FAM13A: variants seen among roughly 807,000 people sequenced by gnomAD.
FAM13A encodes protein FAM13A.
FAM13A carries 76 observed loss-of-function variants against 129.6 expected under a neutral mutation model. The ratio of observed to expected loss-of-function variants is 0.59; its 90% CI spans 0.49 to 0.71. FAM13A has a LOEUF of 0.71. FAM13A is among the 30% of genes least tolerant of loss of function. The probability of loss-of-function intolerance (pLI) is 0.00; values close to 1 mark genes in which losing one functional copy is unlikely to be tolerated. For missense variants in FAM13A, 1,108 were observed against 1,249.3 expected (o/e 0.89, Z 1.70); for synonymous variants, 443 against 449.9 (o/e 0.98, Z 0.20).
intron 7 of FAM13A, among the ~76,000 whole-genome samples, chr4:88,849,261 T>C (rs1737160744): frequency 6.6e-6 from 1 of 152,218 alleles, no homozygotes; most frequent in South Asian, 2.1e-4. Flanking sequence ...GATTAACACC[T>C]GTTGAAGGAA....
At chr4:88,928,925 ATGT>A (rs997035927) in intron 5 of FAM13A, among the ~76,000 whole-genome samples, 9 of 151,844 alleles carry the variant, frequency 5.9e-5, no homozygotes, top group Non-Finnish European at 1.2e-4. Flanking sequence ...TGAAATTATC[ATGT>A]TGTCATTTTA....
chr4:88,768,817 A>T (rs1746200140), intron 11 of FAM13A, among the ~76,000 whole-genome samples: 1 of 152,200 alleles, frequency 6.6e-6, no homozygotes, highest in Non-Finnish European at 1.5e-5. Context: ...GTTAATGCTT[A>T]CCAGGAGGCA....
chr4:88,978,683 G>A (rs972132905), intron 4 of FAM13A, among the ~76,000 whole-genome samples: 40 of 151,982 alleles, frequency 2.6e-4, no homozygotes, highest in Non-Finnish European at 1.0e-4. Flanking sequence ...AGTCCCAGCT[G>A]CTGGGGAGGC....
At position 88,863,083 on chromosome 4, in the gene FAM13A, G is replaced by A. The variant is rs142223469; in HGVS notation, c.844-11900C>T. Among the ~76,000 whole-genome samples, 204 of 152,028 alleles carry A rather than the reference G, an allele frequency of 1.3e-3. 1 individual carries two copies. Among genetic ancestry groups the A allele is most frequent in the African/African-American group, 4.7e-3 (195 of 41,442 alleles). On this transcript the variant is annotated intron_variant, in intron 6 of 23. Coordinates refer to ENST00000264344, the MANE Select transcript of FAM13A (RefSeq NM_014883.4). ...ACCCTTGGACTGTCCAGTGATGAGT[G>A]CCTTTTTGCATATTAATGAGATGAT...
chr4:89,003,077 G>C (rs188910012), intron 3 of FAM13A, among the ~76,000 whole-genome samples: 319 of 152,054 alleles, frequency 2.1e-3, no homozygotes, highest in Non-Finnish European at 2.8e-3. Flanking sequence ...CCCATGGAAT[G>C]TTTAACATAA....
chr4:88,984,337 T>C (rs1447389287), intron 4 of FAM13A, among the ~76,000 whole-genome samples: 1 of 152,052 alleles, frequency 6.6e-6, no homozygotes, highest in African/African-American at 2.4e-5. Context: ...AAGGACATGA[T>C]CAAGAAAATG....
intron 13 of FAM13A, among the ~76,000 whole-genome samples, chr4:88,764,593 G>A (rs1344154930): frequency 6.6e-6 from 1 of 152,098 alleles, no homozygotes; most frequent in Non-Finnish European, 1.5e-5. Context: ...TAGTTTTAAG[G>A]ATGACCTCTC....
intron 5 of FAM13A, among the ~76,000 whole-genome samples, chr4:88,912,460 T>C (rs907206402): frequency 5.9e-5 from 9 of 152,016 alleles, no homozygotes; most frequent in Non-Finnish European, 1.3e-4. Context: ...GCTACCAGCT[T>C]CCCTGATTCA....
intron 4 of FAM13A, among the ~76,000 whole-genome samples, chr4:88,985,847 A>AT (rs1198781958): frequency 4.6e-5 from 4 of 86,740 alleles, no homozygotes; most frequent in East Asian, 3.0e-4. Flanking sequence ...ACAAAAAAGA[A>AT]TAAAAAAAAA....
chr4:88,800,425 C>T (rs1359151289), intron 8 of FAM13A, among the ~76,000 whole-genome samples: 1 of 152,092 alleles, frequency 6.6e-6, no homozygotes, highest in Non-Finnish European at 1.5e-5. Flanking sequence ...TGGCTCGCAC[C>T]TGTAATCCCA....
At chr4:88,832,093 AC>A (rs1733984856) in intron 7 of FAM13A, among the ~76,000 whole-genome samples, 1 of 152,078 alleles carries the variant, frequency 6.6e-6, no homozygotes, top group African/African-American at 2.4e-5. Context: ...CACACCTAAA[AC>A]CGTCTGATCT....
At chr4:88,804,919 T>C (rs1027617027) in intron 8 of FAM13A, 92 bp downstream of exon 8, 4 of 734,604 alleles carry the variant, frequency 5.4e-6, no homozygotes, top group African/African-American at 5.4e-5. Context: ...ATGAATGTTC[T>C]ATTGAAAGAG....
intron 14 of FAM13A, among the ~76,000 whole-genome samples, chr4:88,752,086 A>G (rs1240179796): frequency 6.6e-6 from 1 of 152,248 alleles, no homozygotes; most frequent in African/African-American, 2.4e-5. Context: ...AAAGTCACAC[A>G]GGGAAATATA....
intron 7 of FAM13A, among the ~76,000 whole-genome samples, chr4:88,840,185 T>A (rs1735578820): frequency 6.6e-6 from 1 of 152,154 alleles, no homozygotes; most frequent in Non-Finnish European, 1.5e-5. Context: ...ATCAGTTGGG[T>A]CAAATAGTGC....
At chr4:88,903,269 G>A (rs1022899875) in intron 6 of FAM13A, among the ~76,000 whole-genome samples, 1 of 152,090 alleles carries the variant, frequency 6.6e-6, no homozygotes, top group African/African-American at 2.4e-5. Flanking sequence ...AAATTCATAT[G>A]GAACCAAACA....
At chr4:88,802,758 G>A (rs1027552990) in intron 8 of FAM13A, among the ~76,000 whole-genome samples, 3 of 151,992 alleles carry the variant, frequency 2.0e-5, no homozygotes, top group East Asian at 1.9e-4. Context: ...CTCTTCACAC[G>A]CTCTCCGTCT....
intron 5 of FAM13A, among the ~76,000 whole-genome samples, chr4:88,912,813 C>T (rs2704591): frequency 0.18 from 27,827 of 151,950 alleles, 2,695 homozygotes; most frequent in Non-Finnish European, 0.2. Context: ...TCTGTCTCTA[C>T]AAAAACAACA....
intron 7 of FAM13A, among the ~76,000 whole-genome samples, chr4:88,821,299 T>C (rs1449952927): frequency 1.3e-5 from 2 of 152,120 alleles, no homozygotes; most frequent in African/African-American, 4.8e-5. Flanking sequence ...TGGGTAAACA[T>C]TGCGGCAGTG....
chr4:88,851,292 T>G, intron 6 of FAM13A, 109 bp from the exon 7 acceptor site: 1 of 916,696 alleles, frequency 1.1e-6, no homozygotes, highest in South Asian at 1.9e-5. Context: ...ATAATCCAAT[T>G]TATAACACCC....
Sources: gnomAD v4.1 joint callset for allele counts (sites outside exome capture counted in the v4.1 genomes callset) on GRCh38, gnomAD v4.1.1 for gene constraint, MANE v1.5 for transcripts, NCBI Gene and HGNC (gene_info 2026-07-23, HGNC 2026-07-21) for gene names.